PCDH7: variants seen among roughly 807,000 people sequenced by gnomAD.
The protein encoded by PCDH7 is protocadherin 7.
In PCDH7, 17 loss-of-function variants were observed where a neutral mutation model predicts 58.9. That is an observed-to-expected ratio of 0.29 (90% confidence interval 0.20 to 0.43). The LOEUF is 0.43. Among genes scored for constraint, PCDH7 ranks in the 20% least tolerant of loss-of-function variants. PCDH7 has a pLI of 1.00. For synonymous variants in PCDH7, 664 were observed against 616.4 expected (o/e 1.08, Z -1.14); for missense variants, 1,274 against 1,441.0 (o/e 0.88, Z 1.88).
chr4:30,759,341 T>C (rs1055154516), intron 1 of PCDH7, among the ~76,000 whole-genome samples: 3 of 152,212 alleles, frequency 2.0e-5, no homozygotes, highest in Admixed American at 6.5e-5. Context: ...TCCGAATTTC[T>C]TGTTGCAATT....
chr4:30,865,808 A>G (rs1013619012), intron 1 of PCDH7, among the ~76,000 whole-genome samples: 3 of 152,126 alleles, frequency 2.0e-5, no homozygotes, highest in Non-Finnish European at 4.4e-5. Flanking sequence ...AGTAGCTGGC[A>G]TACTTATAGA....
intron 2 of PCDH7, among the ~76,000 whole-genome samples, chr4:30,921,103 C>CA (rs1160481468): frequency 3.9e-5 from 6 of 152,102 alleles, no homozygotes; most frequent in Non-Finnish European, 8.8e-5. Context: ...AAACTTTCCA[C>CA]ATTTGTTTAT....
At chr4:30,788,037 G>A (rs1723639201) in intron 1 of PCDH7, among the ~76,000 whole-genome samples, 1 of 152,040 alleles carries the variant, frequency 6.6e-6, no homozygotes, top group Admixed American at 6.6e-5. Flanking sequence ...GTAGGCTCAT[G>A]TGAAATTAGT....
chr4:30,859,942 A>G (rs1302527465), intron 1 of PCDH7, among the ~76,000 whole-genome samples: 1 of 152,198 alleles, frequency 6.6e-6, no homozygotes, highest in African/African-American at 2.4e-5. Flanking sequence ...AGAAAAATCA[A>G]TAAAAGTAAA....
intron 2 of PCDH7, among the ~76,000 whole-genome samples, chr4:30,935,876 G>A (rs1337093214): frequency 6.6e-6 from 1 of 151,982 alleles, no homozygotes; most frequent in Admixed American, 6.6e-5. Context: ...AATTTTCTGA[G>A]CACAGTGCAA....
intron 3 of PCDH7, among the ~76,000 whole-genome samples, chr4:31,133,066 T>A (rs963678557): frequency 6.6e-6 from 1 of 152,236 alleles, no homozygotes. Flanking sequence ...AATCTTTGTG[T>A]CACTGAATGG....
intron 3 of PCDH7, among the ~76,000 whole-genome samples, chr4:31,011,609 A>T (rs1433068985): frequency 1.3e-5 from 2 of 152,064 alleles, no homozygotes; most frequent in African/African-American, 2.4e-5. Flanking sequence ...TGGGACCCAT[A>T]GAATGAAAAT....
intron 3 of PCDH7, among the ~76,000 whole-genome samples, chr4:31,059,168 T>C (rs61794081): frequency 0.038 from 5,775 of 152,024 alleles, 367 homozygotes; most frequent in East Asian, 0.32. Flanking sequence ...TCATATGGTT[T>C]TTGAAGTGTA....
chr4:31,111,241 A>T (rs1560234405), intron 3 of PCDH7, among the ~76,000 whole-genome samples: 1 of 151,648 alleles, frequency 6.6e-6, no homozygotes, highest in Non-Finnish European at 1.5e-5. Context: ...TAAAAATAAG[A>T]TTAAAAAGAA....
At chr4:30,768,806 A>C (rs1331613719) in intron 1 of PCDH7, among the ~76,000 whole-genome samples, 1 of 152,206 alleles carries the variant, frequency 6.6e-6, no homozygotes, top group Admixed American at 6.5e-5. Flanking sequence ...GTGTTCAGCT[A>C]CACAAAAAGT....
rs575306850 is a variant in PCDH7, at chr4:31,108,448, C to T, written c.*8-34025C>T. Among the ~76,000 whole-genome samples, 6 of 128,532 alleles carry T rather than the reference C, an allele frequency of 4.7e-5. No individual in the cohort carries two copies. The East Asian group carries it at 9.2e-4, about 20-fold the overall frequency. 84.3% of individuals were successfully genotyped at this position (128,532 alleles called of 152,430 possible). On this transcript the variant is annotated intron_variant, in intron 3 of 3. Coordinates refer to the PCDH7 transcript ENST00000509759. ...ATACAGGAAAAAGAGACGGGGGAAA[C>T]GAGTGCCAAAAGATTGAATAATCTT...
chr4:30,961,197 T>G (rs888465604), intron 3 of PCDH7, among the ~76,000 whole-genome samples: 1 of 152,164 alleles, frequency 6.6e-6, no homozygotes, highest in East Asian at 1.9e-4. Context: ...ATGAGTTTCA[T>G]TAATATTATA....
At chr4:30,970,115 G>A (rs1455547260) in intron 3 of PCDH7, among the ~76,000 whole-genome samples, 1 of 152,142 alleles carries the variant, frequency 6.6e-6, no homozygotes, top group Non-Finnish European at 1.5e-5. Flanking sequence ...TGTGCATACT[G>A]CTGCTTCATG....
intron 3 of PCDH7, among the ~76,000 whole-genome samples, chr4:30,979,497 C>T (rs1242457855): frequency 6.6e-6 from 1 of 152,030 alleles, no homozygotes; most frequent in Non-Finnish European, 1.5e-5. Flanking sequence ...TAGGCTCTCT[C>T]AGCAGTAGAC....
rs538589859 is a variant in PCDH7 at position 30,878,320 on chromosome 4, A to G, written c.71-41833A>G. On this transcript the variant is annotated intron_variant, in intron 1 of 3. Transcript: ENST00000509759. ...TGGAAGCATGATCCGATTTTCACAC[A>G]TTACTTCTGTGCACATGCTATTGCC... 2.6e-5 allele frequency among the ~76,000 whole-genome samples: 4 copies of G among 152,240 alleles called. No individual in the cohort carries two copies. The South Asian group carries it at 8.3e-4, about 32-fold the overall frequency.
chr4:30,843,876 G>A (rs1286250257), intron 1 of PCDH7, among the ~76,000 whole-genome samples: 1 of 151,282 alleles, frequency 6.6e-6, no homozygotes, highest in Non-Finnish European at 1.5e-5. Context: ...AACCTCAGGA[G>A]TACATCCACA....
chr4:31,137,671 A>T (rs2109343807), intron 3 of PCDH7, among the ~76,000 whole-genome samples: 1 of 152,358 alleles, frequency 6.6e-6, no homozygotes, highest in African/African-American at 2.4e-5. Context: ...TGTTAATCAT[A>T]TGCCAGAGCT....
At chr4:31,100,078 C>T (rs1578796446) in intron 3 of PCDH7, among the ~76,000 whole-genome samples, 3 of 152,020 alleles carry the variant, frequency 2.0e-5, no homozygotes, top group East Asian at 3.9e-4. Flanking sequence ...GGATGTGTTA[C>T]ATAAAAACCT....
chr4:30,879,513 T>G (rs1736693979), intron 1 of PCDH7, among the ~76,000 whole-genome samples: 1 of 152,244 alleles, frequency 6.6e-6, no homozygotes, highest in African/African-American at 2.4e-5. Flanking sequence ...TCCTTGAAAC[T>G]TTATAAATTG....
Sources: gnomAD v4.1 joint callset for allele counts (sites outside exome capture counted in the v4.1 genomes callset) on GRCh38, gnomAD v4.1.1 for gene constraint, MANE v1.5 for transcripts, NCBI Gene and HGNC (gene_info 2026-07-23, HGNC 2026-07-21) for gene names.